The following CCNH variants were observed in gnomAD, a reference collection of about 807,000 sequenced individuals.
The protein encoded by CCNH is cyclin-H.
CCNH carries 31 observed loss-of-function variants against 41.9 expected under a neutral mutation model. The observed-to-expected ratio is 0.74, with a 90% CI of 0.56 to 1.00. CCNH has a LOEUF of 1.00. CCNH is among the 50% of genes least tolerant of loss of function. The pLI, the probability that CCNH is intolerant of heterozygous loss-of-function variation, is 0.00. For missense variants in CCNH, 362 were observed against 388.4 expected (o/e 0.93, Z 0.57); for synonymous variants, 138 against 136.1 (o/e 1.01, Z -0.10).
chr5:87,364,079 C>A lies in CCNH; in HGVS notation c.*90+28691G>T, dbSNP rs566897626. On this transcript the variant is annotated intron_variant and NMD_transcript_variant, in intron 9 of 9. Coordinates refer to the CCNH transcript ENST00000645953. ...TTTTCTCAAGAACAATGGCCTTTAC[C>A]TTTCACCATTAGTATTATCAGTAAT... is the stretch of plus-strand genomic sequence containing the variant. 2.0e-5 allele frequency among the ~76,000 whole-genome samples: 3 copies of A among 152,114 alleles called. No individual in the cohort carries two copies. The East Asian group carries it at 5.8e-4, about 29-fold the overall frequency.
At chr5:87,382,735 T>C (rs1268099852) in intron 9 of CCNH, among the ~76,000 whole-genome samples, 1 of 152,188 alleles carries the variant, frequency 6.6e-6, no homozygotes, top group East Asian at 1.9e-4. Flanking sequence ...GCTTTTGCTA[T>C]TGTTTTATAA....
rs1758084885 is a variant in CCNH, at chr5:87,337,849, T to C, written c.*91-18952A>G. 5 of 1,019,592 alleles carry C rather than the reference T, an allele frequency of 4.9e-6. No homozygotes were observed. In the Admixed American group the frequency reaches 9.6e-5, roughly 20 times the overall value. The allele number at this position is 1,019,592 out of a possible 1,614,324, so 63.2% of individuals were successfully genotyped here. ...AGAAATAGGATACAAATTTAGGGTG[T>C]TTGACTCTAATTCCTTACATTTTTC... On this transcript the variant is annotated intron_variant and NMD_transcript_variant, in intron 9 of 9. Transcript: ENST00000645953.
chr5:87,354,664 T>C (rs1759522013), intron 9 of CCNH, among the ~76,000 whole-genome samples: 1 of 152,098 alleles, frequency 6.6e-6, no homozygotes, highest in Non-Finnish European at 1.5e-5. Flanking sequence ...AAGTCACATG[T>C]CTCTCACATT....
At chr5:87,405,966 G>C (rs1490040515) in intron 4 of CCNH, among the ~76,000 whole-genome samples, 1 of 152,092 alleles carries the variant, frequency 6.6e-6, no homozygotes, top group Non-Finnish European at 1.5e-5. Flanking sequence ...ACCTCAGCAA[G>C]GCTCTTAAAC....
chr5:87,378,720 T>C (rs931536277), upstream of CCNH, among the ~76,000 whole-genome samples: 1 of 152,198 alleles, frequency 6.6e-6, no homozygotes, highest in African/African-American at 2.4e-5. Flanking sequence ...TTAAAAAAGA[T>C]GTACTTTATT....
At chr5:87,329,363 G>C (rs939931333) in intron 9 of CCNH, among the ~76,000 whole-genome samples, 3 of 151,948 alleles carry the variant, frequency 2.0e-5, no homozygotes, top group African/African-American at 7.3e-5. Context: ...GATGGGTTGA[G>C]CCTGGGAGGT....
At chr5:87,331,326 A>C in intron 9 of CCNH, 2 of 1,578,570 alleles carry the variant, frequency 1.3e-6, no homozygotes, top group Non-Finnish European at 1.7e-6. Flanking sequence ...ATATTGTAAT[A>C]TCTTCTCTGT....
At chr5:87,371,045 TGTTAGAAATTGA>T (rs1230775979) in intron 9 of CCNH, among the ~76,000 whole-genome samples, 1 of 152,162 alleles carries the variant, frequency 6.6e-6, no homozygotes, top group African/African-American at 2.4e-5. Context: ...TTTTTTTAAA[TGTTAGAAATTGA>T]GTTAGAAATT....
At chr5:87,355,039 A>G (rs1759548827) in intron 9 of CCNH, among the ~76,000 whole-genome samples, 1 of 152,184 alleles carries the variant, frequency 6.6e-6, no homozygotes, top group Non-Finnish European at 1.5e-5. Flanking sequence ...GATTTAAGGA[A>G]AGATGCTATC....
intron 9 of CCNH, among the ~76,000 whole-genome samples, chr5:87,384,711 C>G (rs1761947545): frequency 6.6e-6 from 1 of 152,112 alleles, no homozygotes; most frequent in African/African-American, 2.4e-5. Context: ...TTAATAGACA[C>G]CAATACTTTT....
intron 9 of CCNH, among the ~76,000 whole-genome samples, chr5:87,325,352 A>G (rs992982915): frequency 6.6e-6 from 1 of 152,222 alleles, no homozygotes; most frequent in Admixed American, 6.5e-5. Flanking sequence ...ACACAGCCAA[A>G]CCATATCACA....
At chr5:87,350,371 T>G (rs903386647) in intron 9 of CCNH, among the ~76,000 whole-genome samples, 2 of 151,848 alleles carry the variant, frequency 1.3e-5, no homozygotes, top group African/African-American at 4.8e-5. Context: ...TCTTTAAGAA[T>G]GTAATTTTTC....
chr5:87,321,676 T>C (rs551929481), intron 9 of CCNH, among the ~76,000 whole-genome samples: 5 of 152,252 alleles, frequency 3.3e-5, no homozygotes, highest in African/African-American at 1.2e-4. Context: ...GGAGCCTCTG[T>C]TTCCGTGGAG....
the CCNH span, among the ~76,000 whole-genome samples, chr5:87,313,101 C>A: frequency 6.6e-6 from 1 of 152,074 alleles, no homozygotes; most frequent in African/African-American, 2.4e-5. Flanking sequence ...GTATGGACTG[C>A]AGATATTATG....
At position 87,404,909 on chromosome 5, in the gene CCNH, T is replaced by A; in HGVS notation, c.624A>T (p.Thr208=). Residue 208 remains threonine (T), a synonymous_variant, in exon 5 of 9, where the codon ACA becomes ACT. Transcript: ENST00000256897. ...IALTDAYLLY[T]PSQIALTAIL... is the part of the protein sequence containing the mutation. ...TGGCAGTCAGGGCAATTTGGGAAGG[T>A]GTGTATAAAAGGTAAGCATCCGTCA... 1 of 1,613,400 alleles carries A rather than the reference T, an allele frequency of 6.2e-7. No homozygotes were observed. The highest frequency in any genetic ancestry group is 8.5e-7 in the Non-Finnish European group (1 of 1,179,570).
In CCNH at chr5:87,404,952, A is replaced by G. The variant is rs1431889359; in HGVS notation, c.581T>C (p.Phe194Ser). 1 of 1,613,484 alleles carries G rather than the reference A, an allele frequency of 6.2e-7. No individual in the cohort carries two copies. Among genetic ancestry groups the G allele is most frequent in the Non-Finnish European group, 8.5e-7 (1 of 1,179,536 alleles). Reference protein sequence around the residue: ...PEILRKTADDFLNRIALTDAY... With the variant: ...PEILRKTADDSLNRIALTDAY... ...ATCCGTCAATGCAATTCTATTAAGA[A>G]AGTCATCAGCTGTTTTCCTCAAAAT... Residue 194 changes from phenylalanine (F) to serine (S), a missense_variant, in exon 5 of 9, where the codon TTT (phenylalanine) becomes TCT (serine). Phe to Ser is a radical substitution (Grantham distance 155, BLOSUM62 -2). Coordinates refer to ENST00000256897, the MANE Select transcript of CCNH (RefSeq NM_001239.4).
chr5:87,337,932 T>C, intron 9 of CCNH: 1 of 1,538,938 alleles, frequency 6.5e-7, no homozygotes, highest in African/African-American at 1.4e-5. Flanking sequence ...TCTCTGTATT[T>C]AAAATTTTTA....
At chr5:87,314,505 C>T (rs796824135), downstream of CCNH, among the ~76,000 whole-genome samples, 3 of 152,100 alleles carry the variant, frequency 2.0e-5, no homozygotes, top group Admixed American at 1.3e-4. Flanking sequence ...ATTGTTAAGG[C>T]TTTTTGACTG....
chr5:87,404,896 C>T lies in CCNH; in HGVS notation c.637G>A (p.Ala213Thr). 1.2e-6 allele frequency: 2 copies of T among 1,613,378 alleles called. No individual in the cohort carries two copies. The highest frequency in any genetic ancestry group is 1.7e-4 in the Middle Eastern group (1 of 6,060). ...AYLLYTPSQI[A>T]LTAILSSASR... ...GCACTAGATAAAATGGCAGTCAGGG[C>T]AATTTGGGAAGGTGTGTATAAAAGG... is the stretch of plus-strand genomic sequence containing the variant. Residue 213 changes from alanine to threonine, a missense_variant, in exon 5 of 9, where the codon GCC becomes ACC. Physicochemically the swap from Ala to Thr is moderately conservative, Grantham distance 58. Transcript: ENST00000256897.
Sources: allele counts gnomAD v4.1 joint callset (sites outside exome capture counted in the v4.1 genomes callset), GRCh38; gene constraint gnomAD v4.1.1; transcripts MANE v1.5; gene names NCBI Gene and HGNC (gene_info 2026-07-23, HGNC 2026-07-21).